Variants in COL21A1 observed in about 807,000 individuals in gnomAD.
The protein encoded by COL21A1 is collagen alpha-1(XXI) chain.
A neutral mutation model predicts 137.9 loss-of-function variants in COL21A1; 149 were observed. The observed-to-expected ratio is 1.08, with a 90% CI of 0.95 to 1.24. The LOEUF (loss-of-function observed/expected upper bound fraction) is 1.24, where lower values mean the gene tolerates loss of function less well. COL21A1 is among the 50% of genes most tolerant of loss of function. The probability of loss-of-function intolerance (pLI) is 0.00; values close to 1 mark genes in which losing one functional copy is unlikely to be tolerated. For synonymous variants in COL21A1, 456 were observed against 391.5 expected, an observed-to-expected ratio of 1.16 and a Z score of -1.95; for missense variants, 1,167 against 1,158.4, an observed-to-expected ratio of 1.01 and a Z score of -0.11.
chr6:56,314,150 G>C (rs998796605), intron 1 of COL21A1, among the ~76,000 whole-genome samples: 3 of 152,006 alleles, frequency 2.0e-5, no homozygotes, highest in Non-Finnish European at 2.9e-5. Context: ...ACCCCTGGCT[G>C]ATTTTTTGTA....
At chr6:56,059,079 G>C in intron 29 of COL21A1, 86 bp downstream of exon 29, 1 of 1,011,812 alleles carries the variant, frequency 9.9e-7, no homozygotes, top group East Asian at 2.6e-5. Context: ...AGATGTCTCA[G>C]TTTCAATTTA....
intron 1 of COL21A1, among the ~76,000 whole-genome samples, chr6:56,210,465 A>C (rs766570690): frequency 4.5e-4 from 69 of 152,230 alleles, no homozygotes; most frequent in Non-Finnish European, 9.0e-4. Context: ...CAGTATTCAA[A>C]ATTCATGTTT....
chr6:56,254,201 T>C (rs10948981), intron 1 of COL21A1, among the ~76,000 whole-genome samples: 38,058 of 152,070 alleles, frequency 0.25, 6,109 homozygotes, highest in East Asian at 0.67. Context: ...AACTACCTTA[T>C]TTCTAACTAG....
At chr6:56,182,923 T>C (rs1472660621) in intron 1 of COL21A1, among the ~76,000 whole-genome samples, 4 of 152,190 alleles carry the variant, frequency 2.6e-5, no homozygotes, top group African/African-American at 2.4e-5. Context: ...TTTTGCAAAA[T>C]ATTTACTCAA....
chr6:56,277,975 T>C (rs1449629416), intron 1 of COL21A1, among the ~76,000 whole-genome samples: 1 of 152,230 alleles, frequency 6.6e-6, no homozygotes, highest in Non-Finnish European at 1.5e-5. Flanking sequence ...CATTAAAGAC[T>C]CCTGGAACAT....
intron 1 of COL21A1, among the ~76,000 whole-genome samples, chr6:56,390,845 A>G (rs78792883): frequency 2.5e-3 from 382 of 152,340 alleles, no homozygotes; most frequent in African/African-American, 8.4e-3. Context: ...AGGTATATAG[A>G]GAGATATACC....
intron 1 of COL21A1, among the ~76,000 whole-genome samples, chr6:56,316,381 T>C (rs1267527061): frequency 1.3e-5 from 2 of 151,734 alleles, no homozygotes; most frequent in African/African-American, 4.8e-5. Flanking sequence ...TGTGTGAGCA[T>C]ATCCTTGAAC....
At chr6:56,201,816 G>C (rs1779427533) in intron 1 of COL21A1, among the ~76,000 whole-genome samples, 1 of 152,046 alleles carries the variant, frequency 6.6e-6, no homozygotes, top group Non-Finnish European at 1.5e-5. Context: ...GACAATAAAT[G>C]CTTGAATAAG....
chr6:56,162,960 T>G (rs2152266124), intron 9 of COL21A1, among the ~76,000 whole-genome samples: 1 of 152,340 alleles, frequency 6.6e-6, no homozygotes, highest in East Asian at 1.9e-4. Flanking sequence ...GATTATCATG[T>G]ATGGCATTCA....
At chr6:56,106,953 AT>A (rs1226232559) in intron 16 of COL21A1, among the ~76,000 whole-genome samples, 2 of 151,978 alleles carry the variant, frequency 1.3e-5, no homozygotes, top group Admixed American at 6.6e-5. Context: ...CGCCCGGCTA[AT>A]TTTTTTGTAT....
intron 1 of COL21A1, among the ~76,000 whole-genome samples, chr6:56,272,725 G>A (rs9464370): frequency 0.4 from 60,075 of 151,762 alleles, 13,415 homozygotes; most frequent in African/African-American, 0.59. Context: ...TAATGAGGGA[G>A]TTCTCATGAG....
intron 10 of COL21A1, among the ~76,000 whole-genome samples, chr6:56,142,420 T>C (rs760257419): frequency 1.6e-4 from 24 of 152,214 alleles, no homozygotes; most frequent in African/African-American, 2.2e-4. Flanking sequence ...ATTAATATTA[T>C]TCTTCAATCT....
intron 16 of COL21A1, among the ~76,000 whole-genome samples, chr6:56,105,215 C>T (rs1021831601): frequency 6.6e-6 from 1 of 152,050 alleles, no homozygotes; most frequent in Non-Finnish European, 1.5e-5. Flanking sequence ...AACTAAATCC[C>T]GTCCTCTCTT....
chr6:56,178,529 G>T (rs184957542), intron 3 of COL21A1, among the ~76,000 whole-genome samples: 239 of 152,042 alleles, frequency 1.6e-3, no homozygotes, highest in South Asian at 7.3e-3. Flanking sequence ...AAACACACAG[G>T]ATTTTTTTGT....
intron 1 of COL21A1, among the ~76,000 whole-genome samples, chr6:56,217,675 C>T (rs1451445710): frequency 6.6e-6 from 1 of 152,022 alleles, no homozygotes; most frequent in Non-Finnish European, 1.5e-5. Flanking sequence ...TCCAATCTAC[C>T]ACACTGTCTC....
chr6:56,339,444 TATA>T (rs1313771537), intron 1 of COL21A1, among the ~76,000 whole-genome samples: 3 of 152,220 alleles, frequency 2.0e-5, no homozygotes, highest in Admixed American at 6.5e-5. Flanking sequence ...TTCTTGTTGG[TATA>T]ATGAGGATTC....
chr6:56,205,499 C>G (rs1346387344), intron 1 of COL21A1, among the ~76,000 whole-genome samples: 2 of 152,114 alleles, frequency 1.3e-5, no homozygotes, highest in African/African-American at 4.8e-5. Flanking sequence ...AAGACAAAAT[C>G]TATGTTTGAT....
At chr6:56,342,711 T>C (rs146131784) in intron 1 of COL21A1, among the ~76,000 whole-genome samples, 225 of 152,352 alleles carry the variant, frequency 1.5e-3, no homozygotes, top group Non-Finnish European at 2.5e-3. Context: ...TTAATCTTGT[T>C]ATCTCCTTTT....
intron 1 of COL21A1, among the ~76,000 whole-genome samples, chr6:56,200,572 T>C (rs1779319414): frequency 1.3e-5 from 2 of 151,016 alleles, no homozygotes; most frequent in African/African-American, 4.9e-5. Flanking sequence ...TTTGTCCTTG[T>C]GATAGTTTGC....
Sources: gnomAD v4.1 joint callset for allele counts (sites outside exome capture counted in the v4.1 genomes callset) on GRCh38, gnomAD v4.1.1 for gene constraint, MANE v1.5 for transcripts, NCBI Gene and HGNC (gene_info 2026-07-23, HGNC 2026-07-21) for gene names.